Variants in MOCS1 observed in about 807,000 individuals in gnomAD.
MOCS1 encodes the protein molybdenum cofactor synthesis 1.
In MOCS1, 39 loss-of-function variants were observed where a neutral mutation model predicts 57.6. The ratio of observed to expected loss-of-function variants is 0.68; its 90% CI spans 0.52 to 0.88. The LOEUF is 0.88. MOCS1 is among the 40% of genes least tolerant of loss of function. The pLI is 0.00. For synonymous variants in MOCS1, 334 were observed against 335.7 expected (o/e 1.00, Z 0.05); for missense variants, 795 against 831.1 (o/e 0.96, Z 0.53).
intron 3 of MOCS1, among the ~76,000 whole-genome samples, chr6:39,916,594 T>G (rs1767674463): frequency 1.3e-5 from 2 of 152,254 alleles, no homozygotes; most frequent in African/African-American, 4.8e-5. Flanking sequence ...TAAATCCATG[T>G]GTACTTGACT....
chr6:39,906,944 AC>A lies in MOCS1; in HGVS notation c.1323del (p.Ser442LeufsTer36). 6.2e-7 allele frequency: 1 copy of A among 1,613,834 alleles called. No homozygotes were observed. The stretch of plus-strand genomic sequence containing the variant: ...GTGTAGTGTCTCTGAAAGGAGCCAG[AC>A]CCCAGCCGCTGCTGGGCTAGAGGAG... ...QTPPLAQQRL[G>X]SGSFQRHYTS... On this transcript the variant is annotated frameshift_variant, in exon 11 of 11. Transcript: ENST00000340692. LOFTEE classifies it high-confidence loss of function.
At chr6:39,922,889 C>T (rs549923274) in intron 3 of MOCS1, among the ~76,000 whole-genome samples, 3 of 152,328 alleles carry the variant, frequency 2.0e-5, no homozygotes, top group African/African-American at 7.2e-5. Context: ...AACATCCTGG[C>T]CCTGACTTCT....
intron 3 of MOCS1, among the ~76,000 whole-genome samples, chr6:39,918,683 A>G (rs1767796871): frequency 6.6e-6 from 1 of 152,102 alleles, no homozygotes; most frequent in Non-Finnish European, 1.5e-5. Context: ...CACGCACTAT[A>G]TTACGTAGAG....
At chr6:39,922,115 G>C (rs1357013025) in intron 3 of MOCS1, among the ~76,000 whole-genome samples, 1 of 152,170 alleles carries the variant, frequency 6.6e-6, no homozygotes, top group Non-Finnish European at 1.5e-5. Context: ...TCCTTTGGAA[G>C]ACCCTAACTT....
intron 1 of MOCS1, among the ~76,000 whole-genome samples, 170 bp downstream of exon 1, chr6:39,934,125 C>T (rs1768783781): frequency 6.6e-6 from 1 of 152,024 alleles, no homozygotes; most frequent in South Asian, 2.1e-4. Context: ...GCTGGGCTAG[C>T]GGGTGAGACC....
intron 1 of MOCS1, among the ~76,000 whole-genome samples, chr6:39,933,947 AG>A (rs996587509): frequency 6.6e-6 from 1 of 152,062 alleles, no homozygotes; most frequent in African/African-American, 2.4e-5. Context: ...AAAATGTTTA[AG>A]AAAGAGGGTG....
At chr6:39,928,861 G>A (rs921007296) in intron 1 of MOCS1, among the ~76,000 whole-genome samples, 2 of 152,172 alleles carry the variant, frequency 1.3e-5, no homozygotes, top group South Asian at 2.1e-4. Context: ...CAAAGGTCTA[G>A]CGCAACTATG....
intron 8 of MOCS1, 88 bp downstream of exon 8, chr6:39,912,176 G>T: frequency 1.9e-6 from 2 of 1,047,868 alleles, no homozygotes; most frequent in Non-Finnish European, 3.0e-6. Flanking sequence ...TGCCCTGCCA[G>T]CCTCCTCTCC....
rs1241374898 is a variant in MOCS1, at chr6:39,916,197, C to T, written c.454G>A (p.Gly152Ser). 1.2e-6 allele frequency: 2 copies of T among 1,613,882 alleles called. No homozygotes were observed. The highest frequency in any genetic ancestry group is 1.7e-5 in the Admixed American group (1 of 60,006). Residue 152 changes from glycine (G) to serine (S), a missense_variant, in exon 4 of 11, where the codon GGT becomes AGT. Physicochemically the swap from Gly to Ser is moderately conservative, Grantham distance 56. Transcript: ENST00000340692. ...AGGTTGATGCCATTGGTGGTAACAC[C>T]TATGGTTCTCAGCCCTTCCAGCCGC... Reference protein sequence around the residue: ...LQRLEGLRTIGVTTNGINLAR... With the variant: ...LQRLEGLRTISVTTNGINLAR...
At chr6:39,922,367 G>T (rs572055766) in intron 3 of MOCS1, among the ~76,000 whole-genome samples, 1 of 152,108 alleles carries the variant, frequency 6.6e-6, no homozygotes, top group Admixed American at 6.5e-5. Flanking sequence ...TTTGAATGTG[G>T]CCCAACACAA....
rs181354558 is a variant in MOCS1, at chr6:39,931,532, T to C, written c.123+2763A>G. ...CTTCCCCCTCCCCTCATTCCCACCCTAAGTGTGAGGTCTTTACACCTATAG... is the reference window on the plus strand; with the variant it reads ...CTTCCCCCTCCCCTCATTCCCACCCCAAGTGTGAGGTCTTTACACCTATAG... On this transcript the variant is annotated intron_variant, in intron 1 of 10. Transcript: ENST00000340692. Among the ~76,000 whole-genome samples the C allele has an allele frequency of 3.3e-5, 5 of 152,174 alleles. No individual in the cohort carries two copies. In the South Asian group the frequency reaches 8.3e-4, roughly 25 times the overall value.
Position 39,927,365 on chromosome 6 carries a change from G to C in MOCS1, c.214C>G (p.Leu72Val). 1 of 1,612,496 alleles carries C rather than the reference G, an allele frequency of 6.2e-7. No individual in the cohort carries two copies. The highest frequency in any genetic ancestry group is 8.5e-7 in the Non-Finnish European group (1 of 1,179,712). Residue 72 changes from leucine to valine, a missense_variant, in exon 2 of 11, where the codon CTG becomes GTG. Physicochemically the swap from Leu to Val is conservative, Grantham distance 32. Around this residue, in one of 3 missense-constraint regions of MOCS1, gnomAD observed 416 missense variants for 392.4 expected, o/e 1.06. Coordinates refer to ENST00000340692, the MANE Select transcript of MOCS1 (RefSeq NM_001358530.2). The part of the protein sequence containing the change: ...TDSFGRQHSY[L>V]RISLTEKCNL... ...CACTTCTCTGTGAGGGAGATCCGCA[G>C]GTAGCTGTGCTGCCGGCCGAAGCTG...
chr6:39,917,069 A>G (rs1426910712), intron 3 of MOCS1, among the ~76,000 whole-genome samples: 3 of 152,216 alleles, frequency 2.0e-5, no homozygotes, highest in Non-Finnish European at 4.4e-5. Flanking sequence ...AGGATAAAGC[A>G]CCAGTGCAGA....
chr6:39,913,522 A>G, intron 5 of MOCS1, 94 bp from the exon 6 acceptor site: 1 of 1,111,146 alleles, frequency 9.0e-7, no homozygotes, highest in Non-Finnish European at 1.4e-6. Flanking sequence ...GAGGCCTTCC[A>G]CTCAGGGACC....
intron 3 of MOCS1, among the ~76,000 whole-genome samples, chr6:39,917,543 A>G (rs1350815240): frequency 6.6e-6 from 1 of 152,122 alleles, no homozygotes; most frequent in Non-Finnish European, 1.5e-5. Flanking sequence ...AGCAACCCAA[A>G]CAGAAACACA....
intron 8 of MOCS1, among the ~76,000 whole-genome samples, chr6:39,911,953 T>C (rs1767356320): frequency 6.6e-6 from 1 of 152,164 alleles, no homozygotes; most frequent in African/African-American, 2.4e-5. Context: ...GGGCTAACCA[T>C]GGCGGGGGCC....
At chr6:39,928,452 C>T (rs769223151) in intron 1 of MOCS1, among the ~76,000 whole-genome samples, 12 of 152,198 alleles carry the variant, frequency 7.9e-5, no homozygotes, top group Non-Finnish European at 1.5e-4. Context: ...GCATGAGCCA[C>T]CACACCCGAC....
intron 1 of MOCS1, among the ~76,000 whole-genome samples, chr6:39,930,327 C>T (rs557640182): frequency 1.2e-4 from 18 of 152,242 alleles, no homozygotes; most frequent in Middle Eastern, 3.4e-3. Flanking sequence ...CTGGGACATG[C>T]CAGAAGTAGT....
intron 3 of MOCS1, among the ~76,000 whole-genome samples, chr6:39,921,675 T>C (rs751017846): frequency 6.6e-5 from 10 of 151,960 alleles, no homozygotes; most frequent in Non-Finnish European, 1.5e-4. Flanking sequence ...GAAATCAAGC[T>C]ATACTCTACA....
Sources: gnomAD v4.1 joint callset for allele counts (sites outside exome capture counted in the v4.1 genomes callset) on GRCh38, gnomAD v4.1.1 for gene constraint, gnomAD v4.1.1 regional missense constraint, MANE v1.5 for transcripts, NCBI Gene and HGNC (gene_info 2026-07-23, HGNC 2026-07-21) for gene names.